The following EDIL3 variants were observed in gnomAD, a reference collection of about 807,000 sequenced individuals.
EDIL3 encodes EGF-like repeat and discoidin I-like domain-containing protein 3.
Under a neutral mutation model 67.4 loss-of-function variants are expected in EDIL3, and 37 were observed. That is an observed-to-expected ratio of 0.55 (90% CI 0.42 to 0.72). EDIL3 has a LOEUF of 0.72. Among genes scored for constraint, EDIL3 ranks in the 30% least tolerant of loss-of-function variants. The pLI is 0.00. For synonymous variants in EDIL3, 195 were observed against 196.3 expected (o/e 0.99, Z 0.05); for missense variants, 527 against 586.3 (o/e 0.90, Z 1.04).
At chr5:84,329,953 A>G (rs1475144994) in intron 1 of EDIL3, among the ~76,000 whole-genome samples, 1 of 152,120 alleles carries the variant, frequency 6.6e-6, no homozygotes, top group African/African-American at 2.4e-5. Context: ...TCAGATTTGC[A>G]GGAGAAATTC....
intron 1 of EDIL3, among the ~76,000 whole-genome samples, chr5:84,332,382 T>C (rs1746891494): frequency 6.6e-6 from 1 of 151,988 alleles, no homozygotes; most frequent in African/African-American, 2.4e-5. Context: ...CAAAAAAAGT[T>C]GAGGAGGTGG....
At chr5:84,156,140 G>A (rs1406879602) in intron 4 of EDIL3, among the ~76,000 whole-genome samples, 1 of 152,114 alleles carries the variant, frequency 6.6e-6, no homozygotes, top group Non-Finnish European at 1.5e-5. Flanking sequence ...AGGAACCCAA[G>A]TTTTCCCCTA....
intron 1 of EDIL3, among the ~76,000 whole-genome samples, chr5:84,311,908 G>C (rs1746397320): frequency 6.6e-6 from 1 of 152,172 alleles, no homozygotes; most frequent in African/African-American, 2.4e-5. Context: ...TCACAAGGCA[G>C]AAGAATTTTT....
chr5:84,241,242 A>G (rs575657235), intron 2 of EDIL3, among the ~76,000 whole-genome samples: 13 of 152,320 alleles, frequency 8.5e-5, no homozygotes, highest in African/African-American at 2.9e-4. Flanking sequence ...CAGGCTCTCC[A>G]TGAAGGCTCA....
intron 4 of EDIL3, among the ~76,000 whole-genome samples, chr5:84,166,591 G>A (rs927211867): frequency 1.3e-5 from 2 of 152,108 alleles, no homozygotes; most frequent in African/African-American, 4.8e-5. Context: ...CTCTAGAAAA[G>A]ATGCTTACTC....
intron 8 of EDIL3, among the ~76,000 whole-genome samples, chr5:84,062,178 A>C (rs1746557987): frequency 6.6e-6 from 1 of 152,108 alleles, no homozygotes; most frequent in South Asian, 2.1e-4. Context: ...GGTGAAAAAA[A>C]AGTCATAACA....
intron 1 of EDIL3, among the ~76,000 whole-genome samples, chr5:84,263,575 T>C (rs1184339501): frequency 6.6e-6 from 1 of 152,182 alleles, no homozygotes; most frequent in Non-Finnish European, 1.5e-5. Context: ...AATTATTCTG[T>C]GTTTCTAAAT....
intron 5 of EDIL3, among the ~76,000 whole-genome samples, chr5:84,111,605 G>A (rs962945668): frequency 6.6e-6 from 1 of 152,160 alleles, no homozygotes; most frequent in Non-Finnish European, 1.5e-5. Context: ...CATTCTAGTG[G>A]AGAGACAAAT....
chr5:84,204,560 T>C (rs1392269396), intron 3 of EDIL3, among the ~76,000 whole-genome samples: 1 of 152,076 alleles, frequency 6.6e-6, no homozygotes, highest in East Asian at 1.9e-4. Context: ...CAAACGCCCA[T>C]TCTTAGGCAC....
chr5:84,168,125 T>C (rs911553914), intron 4 of EDIL3, among the ~76,000 whole-genome samples: 1 of 152,156 alleles, frequency 6.6e-6, no homozygotes, highest in African/African-American at 2.4e-5. Flanking sequence ...GAGAGCAAAA[T>C]CAATCATTCT....
At chr5:84,217,403 GC>G (rs1390139746) in intron 3 of EDIL3, among the ~76,000 whole-genome samples, 1 of 152,116 alleles carries the variant, frequency 6.6e-6, no homozygotes, top group East Asian at 1.9e-4. Flanking sequence ...AGGCTACGGT[GC>G]CCAACTTCTT....
At chr5:84,093,858 C>T (rs1271372945) in intron 6 of EDIL3, among the ~76,000 whole-genome samples, 1 of 151,838 alleles carries the variant, frequency 6.6e-6, no homozygotes, top group East Asian at 1.9e-4. Flanking sequence ...CGGGGTTTCA[C>T]CATATTGGCC....
intron 4 of EDIL3, among the ~76,000 whole-genome samples, chr5:84,163,174 T>A (rs187681210): frequency 2.0e-5 from 3 of 152,200 alleles, no homozygotes; most frequent in African/African-American, 7.2e-5. Context: ...AAATCATGTT[T>A]AAAGTCCCTG....
chr5:84,208,068 G>A (rs1043315365), intron 3 of EDIL3, among the ~76,000 whole-genome samples: 3 of 151,330 alleles, frequency 2.0e-5, no homozygotes, highest in African/African-American at 4.8e-5. Flanking sequence ...AAACTAAAGA[G>A]CTTCTGCACA....
chr5:83,943,465 C>CT lies in EDIL3; in HGVS notation c.1396dup (p.Arg466LysfsTer30). Reference sequence around the variant, plus strand: ...CAGCAGCTCTGACCGCAATGTGATCCTCCCGTACCAGGACCAAGGAAGGAT... The same window carrying CT: ...CAGCAGCTCTGACCGCAATGTGATCCTTCCCGTACCAGGACCAAGGAAGGAT... On this transcript the variant is annotated frameshift_variant, in exon 11 of 11. Transcript: ENST00000296591. LOFTEE classifies it high-confidence loss of function. The CT allele has an allele frequency of 6.2e-7, 1 of 1,612,822 alleles. No individual in the cohort carries two copies. Among genetic ancestry groups the CT allele is most frequent in the African/African-American group, 1.3e-5 (1 of 74,924 alleles).
intron 1 of EDIL3, among the ~76,000 whole-genome samples, chr5:84,299,166 C>T (rs979299465): frequency 4.6e-5 from 7 of 152,040 alleles, no homozygotes; most frequent in African/African-American, 1.7e-4. Flanking sequence ...CAGGTATAAT[C>T]CCCATTAAAC....
intron 4 of EDIL3, among the ~76,000 whole-genome samples, chr5:84,147,948 C>T (rs1748317773): frequency 6.6e-6 from 1 of 151,978 alleles, no homozygotes; most frequent in African/African-American, 2.4e-5. Context: ...CTTCCTGCTT[C>T]TATATTCTGA....
intron 4 of EDIL3, among the ~76,000 whole-genome samples, chr5:84,171,015 G>A (rs112980819): frequency 3.1e-4 from 47 of 152,018 alleles, no homozygotes; most frequent in African/African-American, 1.1e-3. Flanking sequence ...GTCTGGTCTC[G>A]AACTCCTGGC....
intron 9 of EDIL3, among the ~76,000 whole-genome samples, chr5:84,059,046 A>G (rs973216650): frequency 3.3e-5 from 5 of 152,118 alleles, no homozygotes; most frequent in African/African-American, 1.2e-4. Flanking sequence ...GGGAAAGTAA[A>G]GAAAAAAGTG....
Sources: gnomAD v4.1 joint callset for allele counts (sites outside exome capture counted in the v4.1 genomes callset) on GRCh38, gnomAD v4.1.1 for gene constraint, MANE v1.5 for transcripts, NCBI Gene and HGNC (gene_info 2026-07-23, HGNC 2026-07-21) for gene names.